RIMS1: variants seen among roughly 807,000 people sequenced by gnomAD.
RIMS1 encodes regulating synaptic membrane exocytosis 1, also known as regulating synaptic membrane exocytosis protein 1.
In RIMS1, 83 loss-of-function variants were observed where a neutral mutation model predicts 214.1. That is an observed-to-expected ratio of 0.39 (90% CI 0.32 to 0.47). The LOEUF is 0.47. RIMS1 is among the 20% of genes least tolerant of loss of function. The pLI, the probability that RIMS1 is intolerant of heterozygous loss-of-function variation, is 0.99. For synonymous variants in RIMS1, 793 were observed against 786.8 expected (o/e 1.01, Z -0.13); for missense variants, 2,050 against 2,161.8 (o/e 0.95, Z 1.03).
chr6:72,150,630 A>G (rs926694597), intron 4 of RIMS1, among the ~76,000 whole-genome samples: 10 of 152,236 alleles, frequency 6.6e-5, no homozygotes, highest in Non-Finnish European at 1.2e-4. Flanking sequence ...GAAATGTGTC[A>G]CCTTACATGT....
chr6:72,279,670 G>C (rs1187058638), intron 23 of RIMS1, among the ~76,000 whole-genome samples: 3 of 151,956 alleles, frequency 2.0e-5, no homozygotes, highest in Non-Finnish European at 4.4e-5. Flanking sequence ...CGTGCCCAGG[G>C]ATCTCTCAAA....
rs76993799 is a variant in RIMS1, at chr6:72,345,728, A to G, written c.4366+11893A>G. Among the ~76,000 whole-genome samples, 75 of 151,948 alleles carry G rather than the reference A, an allele frequency of 4.9e-4. No homozygotes were observed. In the East Asian group the frequency reaches 0.014, roughly 28 times the overall value. On this transcript the variant is annotated intron_variant, in intron 29 of 33. Coordinates refer to ENST00000521978, the MANE Select transcript of RIMS1 (RefSeq NM_014989.7). Reference sequence around the variant, plus strand: ...TAGTACACCATCACGGGATGCTTGTACTAGGGTGGAACTGGAAGGAGCTTA... The same window carrying G: ...TAGTACACCATCACGGGATGCTTGTGCTAGGGTGGAACTGGAAGGAGCTTA...
At chr6:72,260,930 C>T (rs2077695246) in intron 19 of RIMS1, 163 bp downstream of exon 19, 1 of 1,467,594 alleles carries the variant, frequency 6.8e-7, no homozygotes, top group African/African-American at 1.4e-5. Context: ...GAAAAGGTTC[C>T]AAATATATTT....
intron 6 of RIMS1, among the ~76,000 whole-genome samples, chr6:72,201,784 T>C (rs1271987484): frequency 6.6e-6 from 1 of 152,138 alleles, no homozygotes; most frequent in Non-Finnish European, 1.5e-5. Flanking sequence ...CATTCCAGAG[T>C]TGTGCCTTGT....
In RIMS1 at chr6:72,392,681, T is replaced by C. The variant is rs1241523260; in HGVS notation, c.4506-17T>C. ...TTCATGGGTTTTTTCCTTTGGTTTT[T>C]ATCCTTTTGCTGATAGTTTAATATT... On this transcript the variant is annotated splice_polypyrimidine_tract_variant and intron_variant, in intron 30 of 33. Coordinates refer to ENST00000521978, the MANE Select transcript of RIMS1 (RefSeq NM_014989.7). 3.2e-6 allele frequency: 5 copies of C among 1,563,394 alleles called. No homozygotes were observed. In the South Asian group the frequency reaches 5.6e-5, roughly 17 times the overall value.
intron 2 of RIMS1, among the ~76,000 whole-genome samples, chr6:72,010,947 A>G (rs1316755889): frequency 6.6e-6 from 1 of 152,172 alleles, no homozygotes; most frequent in Non-Finnish European, 1.5e-5. Context: ...CAAGCTACCA[A>G]TGACTTTCTT....
intron 2 of RIMS1, among the ~76,000 whole-genome samples, chr6:72,069,116 G>C (rs1253713086): frequency 6.6e-6 from 1 of 152,190 alleles, no homozygotes; most frequent in Non-Finnish European, 1.5e-5. Context: ...AGCTAAGGAA[G>C]TGAATGTAAT....
chr6:71,927,118 T>C (rs900773576), intron 1 of RIMS1, among the ~76,000 whole-genome samples: 1 of 152,134 alleles, frequency 6.6e-6, no homozygotes, highest in Non-Finnish European at 1.5e-5. Context: ...AAGAAATGAA[T>C]GGCAATTAAT....
Position 72,342,626 on chromosome 6 carries a change from G to GGTGTGT in RIMS1, c.4366+8817_4366+8822dup, listed in dbSNP as rs113847815. 1.9e-3 allele frequency among the ~76,000 whole-genome samples: 279 copies of GGTGTGT among 145,966 alleles called. 1 individual carries two copies. The highest frequency in any genetic ancestry group is 5.9e-3 in the African/African-American group (233 of 39,696). On this transcript the variant is annotated intron_variant, in intron 29 of 33. Coordinates refer to ENST00000521978, the MANE Select transcript of RIMS1 (RefSeq NM_014989.7). ...TTGAGGGAGTAGTAAGAGTAAGATG[G>GGTGTGT]GTGTGTGTGTGTGTGTGTGTGTGTG...
chr6:72,235,889 G>A (rs1307534821), intron 8 of RIMS1, among the ~76,000 whole-genome samples, 161 bp downstream of exon 8: 1 of 77,358 alleles, frequency 1.3e-5, no homozygotes, highest in African/African-American at 7.1e-5. Flanking sequence ...AAAATTTAGG[G>A]AAACTAATGT....
At chr6:71,900,130 A>T (rs1773143588) in intron 1 of RIMS1, among the ~76,000 whole-genome samples, 1 of 152,168 alleles carries the variant, frequency 6.6e-6, no homozygotes. Context: ...TGGAAATGAC[A>T]GTAAGGACTG....
intron 2 of RIMS1, among the ~76,000 whole-genome samples, chr6:71,999,828 A>G (rs1804576884): frequency 1.3e-5 from 2 of 152,206 alleles, no homozygotes; most frequent in East Asian, 1.9e-4. Flanking sequence ...TAGTCAGCAC[A>G]TATTTCCAGC....
chr6:72,002,955 T>A (rs1805811897), intron 2 of RIMS1, among the ~76,000 whole-genome samples: 1 of 152,222 alleles, frequency 6.6e-6, no homozygotes, highest in Non-Finnish European at 1.5e-5. Flanking sequence ...TCCTTACTTC[T>A]GTCTCTATCT....
chr6:72,127,471 G>T (rs1298575036), intron 4 of RIMS1, among the ~76,000 whole-genome samples: 2 of 152,054 alleles, frequency 1.3e-5, no homozygotes, highest in East Asian at 1.9e-4. Flanking sequence ...AATTTATTTT[G>T]TGAGGCCAGC....
intron 1 of RIMS1, among the ~76,000 whole-genome samples, chr6:71,967,643 T>A (rs992870072): frequency 6.6e-6 from 1 of 152,178 alleles, no homozygotes; most frequent in Non-Finnish European, 1.5e-5. Flanking sequence ...TTTCTGTGGA[T>A]GTTGTTGACT....
chr6:72,298,930 A>G (rs2154266256), intron 26 of RIMS1, among the ~76,000 whole-genome samples: 1 of 152,126 alleles, frequency 6.6e-6, no homozygotes, highest in South Asian at 2.1e-4. Flanking sequence ...GGGACTATAA[A>G]TGTTCATAGT....
At chr6:72,223,605 A>C (rs1183174289) in intron 6 of RIMS1, among the ~76,000 whole-genome samples, 1 of 152,172 alleles carries the variant, frequency 6.6e-6, no homozygotes, top group Non-Finnish European at 1.5e-5. Context: ...ATATCCCAAC[A>C]CAAAAAAGTG....
intron 27 of RIMS1, among the ~76,000 whole-genome samples, chr6:72,311,007 C>A (rs1348088058): frequency 6.6e-6 from 1 of 152,038 alleles, no homozygotes; most frequent in Non-Finnish European, 1.5e-5. Flanking sequence ...GTAAAGCCAT[C>A]TTTTGGCTTA....
At chr6:72,037,072 C>T (rs1009944046) in intron 2 of RIMS1, among the ~76,000 whole-genome samples, 1 of 151,966 alleles carries the variant, frequency 6.6e-6, no homozygotes, top group South Asian at 2.1e-4. Context: ...TCACCCTTTG[C>T]CATTATAAAA....
Sources: allele counts gnomAD v4.1 joint callset (sites outside exome capture counted in the v4.1 genomes callset), GRCh38; gene constraint gnomAD v4.1.1; transcripts MANE v1.5; gene names NCBI Gene and HGNC (gene_info 2026-07-23, HGNC 2026-07-21).